HS3ST2: variants seen among roughly 807,000 people sequenced by gnomAD.
HS3ST2 encodes the protein heparan sulfate-glucosamine 3-sulfotransferase 2.
Under a neutral mutation model 26.3 loss-of-function variants are expected in HS3ST2, and 17 were observed. The observed-to-expected ratio is 0.65, with a 90% CI of 0.44 to 0.97. The LOEUF (loss-of-function observed/expected upper bound fraction) is 0.97. Ranked by LOEUF, HS3ST2 falls within the 50% of genes least tolerant of loss-of-function variation. HS3ST2 has a pLI of 0.00. For missense variants in HS3ST2, 402 were observed against 501.2 expected, an observed-to-expected ratio of 0.80 and a Z score of 1.89; for synonymous variants, 237 against 219.2, an observed-to-expected ratio of 1.08 and a Z score of -0.72.
At chr16:22,838,813 C>A (rs1901311978) in intron 1 of HS3ST2, among the ~76,000 whole-genome samples, 1 of 152,146 alleles carries the variant, frequency 6.6e-6, no homozygotes, top group Admixed American at 6.6e-5. Context: ...GCCTTACGAC[C>A]TCTTGAAGCC....
chr16:22,890,890 C>A (rs902326020), intron 1 of HS3ST2, among the ~76,000 whole-genome samples: 2 of 152,266 alleles, frequency 1.3e-5, no homozygotes, highest in South Asian at 2.1e-4. Flanking sequence ...CTTAACCATC[C>A]AATTCTCCGC....
intron 1 of HS3ST2, among the ~76,000 whole-genome samples, chr16:22,840,476 A>G (rs1048114441): frequency 1.3e-5 from 2 of 151,606 alleles, no homozygotes; most frequent in Admixed American, 1.3e-4. Flanking sequence ...TCTGCCTCCC[A>G]GTTTCAAGAG....
chr16:22,827,932 A>G (rs967776756), intron 1 of HS3ST2, among the ~76,000 whole-genome samples: 1 of 151,658 alleles, frequency 6.6e-6, no homozygotes, highest in Admixed American at 6.6e-5. Context: ...CTTGTCTCCA[A>G]TTCCTCTCAA....
chr16:22,887,790 A>AAT (rs1902081245), intron 1 of HS3ST2, among the ~76,000 whole-genome samples: 2 of 151,050 alleles, frequency 1.3e-5, no homozygotes, highest in Admixed American at 1.3e-4. Context: ...CTACGGGAAA[A>AAT]AAAAAAAAAC....
chr16:22,836,395 C>T lies in HS3ST2; in HGVS notation c.485+21300C>T, dbSNP rs569107107. 3.3e-5 allele frequency among the ~76,000 whole-genome samples: 5 copies of T among 152,216 alleles called. No individual in the cohort carries two copies. In the South Asian group the frequency reaches 1.0e-3, roughly 32 times the overall value. On this transcript the variant is annotated intron_variant, in intron 1 of 1. Coordinates refer to ENST00000261374, the MANE Select transcript of HS3ST2 (RefSeq NM_006043.2). ...AGTGGCTTCTGCTTCTGGGAGGCCT[C>T]AGGAAACTTACAACCATGGCAGAAG... is the stretch of plus-strand genomic sequence containing the variant.
chr16:22,818,997 TCCTC>T lies in HS3ST2; in HGVS notation c.485+3922_485+3925del, dbSNP rs1440553158. ...CTCCTTCCTTCCTTCCCTCCTTCCTTCCTCCCTCCCTCCCTCCCTCCCTTCCTTC... is the reference window on the plus strand; with the variant it reads ...CTCCTTCCTTCCTTCCCTCCTTCCTTCCTCCCTCCCTCCCTCCCTTCCTTC... On this transcript the variant is annotated intron_variant, in intron 1 of 1. Transcript: ENST00000261374. Among the ~76,000 whole-genome samples, 25 of 28,894 alleles carry T rather than the reference TCCTC, an allele frequency of 8.7e-4. 4 individuals carry two copies. Among genetic ancestry groups the T allele is most frequent in the Non-Finnish European group, 1.2e-3 (15 of 12,178 alleles). The allele number at this position is 28,894 out of a possible 152,430, so 19.0% of individuals were successfully genotyped here.
chr16:22,841,486 C>A (rs1901355752), intron 1 of HS3ST2, among the ~76,000 whole-genome samples: 1 of 152,192 alleles, frequency 6.6e-6, no homozygotes, highest in Non-Finnish European at 1.5e-5. Flanking sequence ...CTACTTATAT[C>A]CTTTAGTGGT....
At chr16:22,824,922 G>A (rs1901060646) in intron 1 of HS3ST2, among the ~76,000 whole-genome samples, 1 of 152,132 alleles carries the variant, frequency 6.6e-6, no homozygotes, top group Admixed American at 6.5e-5. Context: ...ATGGAGAGAT[G>A]AGTGGGCATT....
intron 1 of HS3ST2, among the ~76,000 whole-genome samples, chr16:22,851,441 A>G (rs558670637): frequency 1.6e-4 from 24 of 152,342 alleles, no homozygotes; most frequent in Admixed American, 3.3e-4. Context: ...TAATTGGCAA[A>G]ACTAGAATTA....
chr16:22,820,169 AC>A (rs199760276), intron 1 of HS3ST2, among the ~76,000 whole-genome samples: 19 of 149,610 alleles, frequency 1.3e-4, no homozygotes, highest in Admixed American at 4.7e-4. Flanking sequence ...GAGTCCATAA[AC>A]CCCCCCCCAT....
chr16:22,905,115 C>T (rs1271434937), intron 1 of HS3ST2, among the ~76,000 whole-genome samples: 1 of 152,202 alleles, frequency 6.6e-6, no homozygotes, highest in Non-Finnish European at 1.5e-5. Flanking sequence ...AATAAATCAC[C>T]ACAGGCCTCC....
chr16:22,855,676 GTCTGTCTC>G (rs1217252221), intron 1 of HS3ST2, among the ~76,000 whole-genome samples: 1 of 123,476 alleles, frequency 8.1e-6, no homozygotes, highest in African/African-American at 3.3e-5. Context: ...CTTTCTCTCT[GTCTGTCTC>G]TCTGTCTCTC....
Position 22,915,332 on chromosome 16 carries a change from C to T in HS3ST2, c.874C>T (p.Leu292=). The T allele has an allele frequency of 6.2e-7, 1 of 1,614,006 alleles. No individual in the cohort carries two copies. The highest frequency in any genetic ancestry group is 8.5e-7 in the Non-Finnish European group (1 of 1,180,006). ...AGEMGRVQDF[L]GIKRFITDKH... is the part of the protein sequence containing the mutation. ...CGAGATGGGGCGAGTCCAGGACTTC[C>T]TGGGCATTAAGAGATTCATCACGGA... The change falls in exon 2 of 2, where the codon CTG becomes TTG. Residue 292 remains leucine, a synonymous_variant. Coordinates refer to ENST00000261374, the MANE Select transcript of HS3ST2 (RefSeq NM_006043.2).
chr16:22,913,399 A>C (rs563267168), intron 1 of HS3ST2, among the ~76,000 whole-genome samples: 1 of 152,270 alleles, frequency 6.6e-6, no homozygotes, highest in East Asian at 1.9e-4. Flanking sequence ...AGGAAATTAA[A>C]AAGCAAGGGA....
chr16:22,843,951 C>T (rs1415819384), intron 1 of HS3ST2, among the ~76,000 whole-genome samples: 2 of 151,790 alleles, frequency 1.3e-5, no homozygotes, highest in Non-Finnish European at 2.9e-5. Flanking sequence ...AACATTATAA[C>T]AAAAGACTGT....
At position 22,815,123 on chromosome 16, in the gene HS3ST2, G is replaced by T. The variant is rs1411723770; in HGVS notation, c.485+28G>T. The T allele has an allele frequency of 3.1e-6, 5 of 1,604,856 alleles. No individual in the cohort carries two copies. The South Asian group carries it at 3.3e-5, about 11-fold the overall frequency. On this transcript the variant is annotated intron_variant, in intron 1 of 1. Coordinates refer to ENST00000261374, the MANE Select transcript of HS3ST2 (RefSeq NM_006043.2). Reference sequence around the variant, plus strand: ...AAGGACCAGGAGCTCCGCTCCGTGCGCCGGGTCTCTGATCGCTTCCATTGG... The same window carrying T: ...AAGGACCAGGAGCTCCGCTCCGTGCTCCGGGTCTCTGATCGCTTCCATTGG...
rs1901550278 is a variant in HS3ST2, at chr16:22,853,687, A to G, written c.485+38592A>G. ...CACGGAAGTCAGCTTCCCTCTTTCCATCCTAAGAAGAGGAGAGAGCATTGT... is the reference window on the plus strand; with the variant it reads ...CACGGAAGTCAGCTTCCCTCTTTCCGTCCTAAGAAGAGGAGAGAGCATTGT... On this transcript the variant is annotated intron_variant, in intron 1 of 1. Coordinates refer to ENST00000261374, the MANE Select transcript of HS3ST2 (RefSeq NM_006043.2). 2.6e-5 allele frequency among the ~76,000 whole-genome samples: 4 copies of G among 152,126 alleles called. No homozygotes were observed. In the South Asian group the frequency reaches 6.2e-4, roughly 24 times the overall value.
At chr16:22,861,384 G>A (rs1901672250) in intron 1 of HS3ST2, among the ~76,000 whole-genome samples, 1 of 151,740 alleles carries the variant, frequency 6.6e-6, no homozygotes, top group South Asian at 2.1e-4. Context: ...TTGGCTACTG[G>A]CATAGACAGA....
chr16:22,814,936 T>A lies in HS3ST2; in HGVS notation c.326T>A (p.Leu109Gln), dbSNP rs767390291. ...TCCAACCACTCCGGCTCACCCAAGC[T>A]GGGTACCAAGCGGTTGCCCCAAGCC... ...SGSNHSGSPK[L>Q]GTKRLPQALI... Residue 109 changes from leucine (L) to glutamine (Q), a missense_variant, in exon 1 of 2, where the codon CTG becomes CAG. Around this residue, in one of 2 missense-constraint regions of HS3ST2, gnomAD observed 237 missense variants for 346.6 expected, o/e 0.68. Coordinates refer to ENST00000261374, the MANE Select transcript of HS3ST2 (RefSeq NM_006043.2). 9 of 1,608,752 alleles carry A rather than the reference T, an allele frequency of 5.6e-6. No individual in the cohort carries two copies. The South Asian group carries it at 1.0e-4, about 18-fold the overall frequency.
Sources: allele counts gnomAD v4.1 joint callset (sites outside exome capture counted in the v4.1 genomes callset), GRCh38; gene constraint gnomAD v4.1.1; regional missense constraint gnomAD v4.1.1; transcripts MANE v1.5; gene names NCBI Gene and HGNC (gene_info 2026-07-23, HGNC 2026-07-21).